Variants in ELL2 observed in about 807,000 individuals in gnomAD.
The protein encoded by ELL2 is RNA polymerase II elongation factor ELL2.
In ELL2, 21 loss-of-function variants were observed where a neutral mutation model predicts 72.8. That is an observed-to-expected ratio of 0.29 (90% CI 0.20 to 0.42). ELL2 has a LOEUF of 0.42. Among genes scored for constraint, ELL2 ranks in the 10% least tolerant of loss-of-function variants. ELL2 has a pLI of 1.00. For missense variants in ELL2, 568 were observed against 772.8 expected (o/e 0.73, Z 3.14); for synonymous variants, 266 against 283.2 (o/e 0.94, Z 0.61).
chr5:95,940,306 CT>C (rs1750924687), intron 2 of ELL2, among the ~76,000 whole-genome samples: 1 of 152,152 alleles, frequency 6.6e-6, no homozygotes, highest in African/African-American at 2.4e-5. Flanking sequence ...CAGCATATTG[CT>C]ATACTTTAAT....
At chr5:95,889,752 T>C (rs1313744503) in intron 10 of ELL2, among the ~76,000 whole-genome samples, 3 of 152,176 alleles carry the variant, frequency 2.0e-5, no homozygotes, top group Admixed American at 6.5e-5. Context: ...ATACGGTATA[T>C]ATGTTGAAAT....
chr5:95,907,598 G>A (rs1181744454), intron 4 of ELL2, among the ~76,000 whole-genome samples: 2 of 152,092 alleles, frequency 1.3e-5, no homozygotes, highest in African/African-American at 2.4e-5. Flanking sequence ...TATGTGTGAA[G>A]CTATCCAGAC....
At chr5:95,897,729 CTAAA>C in intron 8 of ELL2, among the ~76,000 whole-genome samples, 1 of 152,156 alleles carries the variant, frequency 6.6e-6, no homozygotes, top group Non-Finnish European at 1.5e-5. Flanking sequence ...TGTTTTCACT[CTAAA>C]TAAAGATGAT....
At position 95,888,857 on chromosome 5, in the gene ELL2, G is replaced by C. The variant is rs200228969; in HGVS notation, c.*14C>G. On this transcript the variant is annotated 3_prime_UTR_variant, in exon 12 of 12. Coordinates refer to ENST00000237853, the MANE Select transcript of ELL2 (RefSeq NM_012081.6). The stretch of plus-strand genomic sequence containing the variant: ...AGCTTAAGTTTATTCACATCTTCTG[G>C]TCCAAGCAGAGTTCTAGGACCATGA... 6.5e-7 allele frequency: 1 copy of C among 1,547,712 alleles called. No homozygotes were observed. The highest frequency in any genetic ancestry group is 8.8e-7 in the Non-Finnish European group (1 of 1,141,450).
chr5:95,889,199 C>T (rs1748569868), intron 10 of ELL2, 69 bp from the exon 11 acceptor site: 2 of 1,213,580 alleles, frequency 1.6e-6, no homozygotes, highest in African/African-American at 1.5e-5. Flanking sequence ...AAATAGATAA[C>T]ATGCATTCAG....
chr5:95,937,706 T>A (rs7700895), intron 2 of ELL2, among the ~76,000 whole-genome samples: 49,631 of 151,996 alleles, frequency 0.33, 9,561 homozygotes, highest in African/African-American at 0.54. Flanking sequence ...CAGAACTACC[T>A]TTATAAAGAA....
rs566417867 is a variant in ELL2 at position 95,929,549 on chromosome 5, G to A, written c.196-10004C>T. 4.6e-5 allele frequency among the ~76,000 whole-genome samples: 7 copies of A among 152,132 alleles called. 1 individual carries two copies. Among genetic ancestry groups the A allele is most frequent in the African/African-American group, 1.2e-4 (5 of 41,508 alleles). Reference sequence around the variant, plus strand: ...TGGGATTACAGGTGTGAGCCACTGCGCCCAGCCGGTCTTACCCACTTTTAT... The same window carrying A: ...TGGGATTACAGGTGTGAGCCACTGCACCCAGCCGGTCTTACCCACTTTTAT... On this transcript the variant is annotated intron_variant, in intron 2 of 11. Transcript: ENST00000237853.
chr5:95,960,476 T>C (rs1227089663), intron 1 of ELL2, among the ~76,000 whole-genome samples: 1 of 152,072 alleles, frequency 6.6e-6, no homozygotes, highest in Non-Finnish European at 1.5e-5. Context: ...TTACAGTGTA[T>C]GTGCGCCTAT....
At chr5:95,938,512 C>A (rs987342124) in intron 2 of ELL2, among the ~76,000 whole-genome samples, 1 of 152,108 alleles carries the variant, frequency 6.6e-6, no homozygotes, top group East Asian at 1.9e-4. Context: ...TTGCTTGAAG[C>A]CAGGAATTTG....
chr5:95,907,296 A>ATATATATTTTTTTTTTTTT lies in ELL2; in HGVS notation c.482-515_482-514insAAAAAAAAAAAAATATATA. Among the ~76,000 whole-genome samples the ATATATATTTTTTTTTTTTT allele has an allele frequency of 6.0e-5, 7 of 116,492 alleles. 1 individual carries two copies. The highest frequency in any genetic ancestry group is 2.6e-4 in the East Asian group (1 of 3,812). The allele number at this position is 116,492 out of a possible 152,430, so 76.4% of individuals were successfully genotyped here. On this transcript the variant is annotated intron_variant, in intron 4 of 11. Coordinates refer to ENST00000237853, the MANE Select transcript of ELL2 (RefSeq NM_012081.6). ...GTTAGTGATATATATATATATATATATTTTTTTTTTTTACAGGCCAAGACA... is the reference window on the plus strand; with the variant it reads ...GTTAGTGATATATATATATATATATATATATATTTTTTTTTTTTTTTTTTTTTTTTTACAGGCCAAGACA...
rs755760747 is a variant in ELL2, at chr5:95,906,645, T to C, written c.619A>G (p.Arg207Gly). The C allele has an allele frequency of 2.0e-5, 32 of 1,614,124 alleles. No homozygotes were observed. Among genetic ancestry groups the C allele is most frequent in the Non-Finnish European group, 2.7e-5 (32 of 1,179,970 alleles). ...GCCAGTAAGTGAATCACCCTGTCCC[T>C]GTATGGCCTCTGAGAGATGGTGCTG... ...SSSTISQRPY[R>G]DRVIHLLALK... is the part of the protein sequence containing the mutation. The change falls in exon 5 of 12, where the codon AGG becomes GGG. Residue 207 changes from arginine (R) to glycine (G), a missense_variant. This residue lies in a region of ELL2 where 511 missense variants were observed against 728.4 expected (regional missense o/e 0.70). Transcript: ENST00000237853.
At chr5:95,916,191 G>A (rs1192196402) in intron 3 of ELL2, among the ~76,000 whole-genome samples, 1 of 151,910 alleles carries the variant, frequency 6.6e-6, no homozygotes, top group African/African-American at 2.4e-5. Context: ...GAGAGAGGTG[G>A]GGGAAAAAAG....
In ELL2 at chr5:95,888,881, G is replaced by A; in HGVS notation, c.1913C>T (p.Ser638Leu). The change falls in exon 12 of 12, where the codon TCA becomes TTA. Residue 638 changes from serine to leucine, a missense_variant. By Grantham distance (145) the Ser-to-Leu change is moderately radical. Coordinates refer to ENST00000237853, the MANE Select transcript of ELL2 (RefSeq NM_012081.6). ...GGTCCAAGCAGAGTTCTAGGACCAT[G>A]ACTCTGCTTGCTGTTGGTCAAATTC... ...IGEFDQQQAESWS is the reference protein window; with the variant it reads ...IGEFDQQQAELWS The A allele has an allele frequency of 6.2e-7, 1 of 1,606,582 alleles. No individual in the cohort carries two copies. The highest frequency in any genetic ancestry group is 1.1e-5 in the South Asian group (1 of 89,942).
intron 2 of ELL2, among the ~76,000 whole-genome samples, chr5:95,935,233 G>A (rs144207221): frequency 3.6e-4 from 55 of 152,160 alleles, no homozygotes; most frequent in East Asian, 9.7e-4. Context: ...GCATCATACC[G>A]TATGTATTCT....
At chr5:95,911,147 G>C (rs1056201588) in intron 4 of ELL2, among the ~76,000 whole-genome samples, 1 of 152,128 alleles carries the variant, frequency 6.6e-6, no homozygotes, top group African/African-American at 2.4e-5. Flanking sequence ...GACACCCAAA[G>C]AGGCAGGAAG....
intron 5 of ELL2, among the ~76,000 whole-genome samples, chr5:95,903,302 T>C (rs1301479700): frequency 7.5e-6 from 1 of 133,786 alleles, no homozygotes; most frequent in East Asian, 2.6e-4. Context: ...CACTGCAACC[T>C]CTGCCTCCCA....
rs116362779 is a variant in ELL2, at chr5:95,917,478, A to G, written c.317+1946T>C. On this transcript the variant is annotated intron_variant, in intron 3 of 11. Transcript: ENST00000237853. ...TGAAGAGCATGCACTGTGGTCAGAG[A>G]GAAAAGATCCATAAGGAAAATGGAA... Among the ~76,000 whole-genome samples the G allele has an allele frequency of 7.6e-3, 1,153 of 152,322 alleles. 13 individuals carry two copies. The highest frequency in any genetic ancestry group is 0.027 in the African/African-American group (1,110 of 41,566).
At chr5:95,928,223 C>T (rs1008425291) in intron 2 of ELL2, among the ~76,000 whole-genome samples, 12 of 152,068 alleles carry the variant, frequency 7.9e-5, no homozygotes, top group African/African-American at 2.7e-4. Context: ...CAAAGTTGAA[C>T]CAAGTGCCAA....
At chr5:95,947,722 C>T (rs1751218037) in intron 1 of ELL2, among the ~76,000 whole-genome samples, 1 of 152,080 alleles carries the variant, frequency 6.6e-6, no homozygotes, top group Non-Finnish European at 1.5e-5. Context: ...ATGTGTTACC[C>T]CCTAGTGCTA....
Sources: allele counts gnomAD v4.1 joint callset (sites outside exome capture counted in the v4.1 genomes callset), GRCh38; gene constraint gnomAD v4.1.1; regional missense constraint gnomAD v4.1.1; transcripts MANE v1.5; gene names NCBI Gene and HGNC (gene_info 2026-07-23, HGNC 2026-07-21).